LMLN: variants seen among roughly 807,000 people sequenced by gnomAD.
LMLN encodes leishmanolysin-like peptidase.
Under a neutral mutation model 92.3 loss-of-function variants are expected in LMLN, and 70 were observed. That is an observed-to-expected ratio of 0.76 (90% CI 0.63 to 0.92). The LOEUF is 0.92. Ranked by LOEUF, LMLN falls within the 40% of genes least tolerant of loss-of-function variation. LMLN has a pLI of 0.00. For synonymous variants in LMLN, 308 were observed against 296.2 expected (o/e 1.04, Z -0.41); for missense variants, 691 against 814.6 (o/e 0.85, Z 1.85).
At chr3:197,967,508 C>G (rs949930814) in intron 1 of LMLN, among the ~76,000 whole-genome samples, 4 of 152,176 alleles carry the variant, frequency 2.6e-5, no homozygotes, top group African/African-American at 4.8e-5. Flanking sequence ...GAACAAAGAT[C>G]ACATGCTTCT....
rs115998990 is a variant in LMLN, at chr3:197,999,674, C to T, written c.1232+332C>T. On this transcript the variant is annotated intron_variant, in intron 11 of 15. Transcript: ENST00000330198. ...TCCTGCGTGGCTGGGACTACAGGCA[C>T]GTGCCACCATGCCTGGCTAACTGTG... The T allele has an allele frequency of 4.0e-3, 865 of 217,082 alleles. 9 individuals are homozygous for T. Among genetic ancestry groups the T allele is most frequent in the African/African-American group, 0.017 (733 of 43,356 alleles). The allele number at this position is 217,082 out of a possible 1,614,324, so 13.4% of individuals were successfully genotyped here. A position where few individuals can be genotyped will look rare whatever the true frequency, so the allele number is the denominator to read the frequency against.
At chr3:198,015,590 A>T (rs1722612375) in intron 11 of LMLN, among the ~76,000 whole-genome samples, 1 of 125,290 alleles carries the variant, frequency 8.0e-6, no homozygotes, top group Non-Finnish European at 1.7e-5. Flanking sequence ...AGAGCCCCCT[A>T]ACTAGTCTGA....
At chr3:198,013,556 C>G (rs1581168620) in intron 11 of LMLN, among the ~76,000 whole-genome samples, 1 of 129,842 alleles carries the variant, frequency 7.7e-6, no homozygotes, top group Non-Finnish European at 1.6e-5. Flanking sequence ...AGCCTCCTAA[C>G]TAGTCTGACT....
At chr3:197,974,600 G>A in intron 2 of LMLN, 126 bp downstream of exon 2, 1 of 549,398 alleles carries the variant, frequency 1.8e-6, no homozygotes, top group South Asian at 2.9e-5. Context: ...CTTCAAAATG[G>A]AATTAAGCTG....
At chr3:198,016,771 G>C (rs986831571) in intron 11 of LMLN, among the ~76,000 whole-genome samples, 2 of 152,142 alleles carry the variant, frequency 1.3e-5, no homozygotes, top group South Asian at 4.1e-4. Flanking sequence ...CTAAAACTGT[G>C]GGTCCCCTGA....
intron 6 of LMLN, among the ~76,000 whole-genome samples, chr3:197,982,855 A>G (rs1182015370): frequency 6.6e-6 from 1 of 152,248 alleles, no homozygotes; most frequent in Admixed American, 6.5e-5. Context: ...CTGAACATTG[A>G]TAGGCTGTAG....
rs929426679 is a variant in LMLN at position 198,043,563 on chromosome 3, T to A, written c.*4896T>A. 3 of 152,654 alleles carry A rather than the reference T, an allele frequency of 2.0e-5. No homozygotes were observed. The South Asian group carries it at 6.2e-4, about 32-fold the overall frequency. The allele number at this position is 152,654 out of a possible 1,614,324, so 9.5% of individuals were successfully genotyped here. On this transcript the variant is annotated 3_prime_UTR_variant, in exon 16 of 16. Transcript: ENST00000330198. ...TTACCTGAGAGGAGTAATATTTTTTTAATATATATTGGGTCAGGGACAGGG... is the reference window on the plus strand; with the variant it reads ...TTACCTGAGAGGAGTAATATTTTTTAAATATATATTGGGTCAGGGACAGGG...
chr3:198,032,706 G>T (rs556461754), intron 14 of LMLN, among the ~76,000 whole-genome samples: 23 of 152,244 alleles, frequency 1.5e-4, no homozygotes, highest in Non-Finnish European at 2.9e-4. Flanking sequence ...ACTTATTCCT[G>T]TGGGGAGGGC....
At chr3:197,998,125 C>G (rs1390689753) in intron 10 of LMLN, among the ~76,000 whole-genome samples, 1 of 152,248 alleles carries the variant, frequency 6.6e-6, no homozygotes, top group Non-Finnish European at 1.5e-5. Context: ...ATCTGTGCCT[C>G]TCTCCCTCCC....
At chr3:198,010,459 T>C (rs1243781269) in intron 11 of LMLN, among the ~76,000 whole-genome samples, 1 of 151,674 alleles carries the variant, frequency 6.6e-6, no homozygotes, top group Non-Finnish European at 1.5e-5. Context: ...TTTTCTGTTT[T>C]GTTTTATTTT....
chr3:197,981,447 C>G (rs1721555582), intron 6 of LMLN, among the ~76,000 whole-genome samples: 4 of 152,202 alleles, frequency 2.6e-5, no homozygotes, highest in Admixed American at 2.0e-4. Context: ...TCTAAGGCAA[C>G]AATTTGAACT....
Position 198,019,353 on chromosome 3 carries a change from A to T in LMLN, c.1333A>T (p.Lys445Ter). The T allele has an allele frequency of 6.2e-7, 1 of 1,614,116 alleles. No homozygotes were observed. The highest frequency in any genetic ancestry group is 8.5e-7 in the Non-Finnish European group (1 of 1,180,008). The stretch of plus-strand genomic sequence containing the variant: ...AGCAGTTGCCGTGTGTAATTTGCAG[A>T]AGTTCCCTAAGCCTTTACCACAGGA... Residue 445 changes from lysine to a stop codon, truncating the protein, a stop_gained, in exon 12 of 16, where the codon AAG becomes TAG. Transcript: ENST00000330198. LOFTEE classifies it high-confidence loss of function. The surrounding 1 kb of genome is among the most constrained non-coding windows in gnomAD (Gnocchi z 5.5).
intron 14 of LMLN, among the ~76,000 whole-genome samples, chr3:198,034,561 A>G (rs1723160289): frequency 6.6e-6 from 1 of 152,226 alleles, no homozygotes; most frequent in Admixed American, 6.5e-5. Context: ...CAGTGAGCCA[A>G]GATCATGCCA....
At chr3:197,982,461 G>A (rs575988688) in intron 6 of LMLN, among the ~76,000 whole-genome samples, 213 of 152,060 alleles carry the variant, frequency 1.4e-3, no homozygotes, top group African/African-American at 4.5e-3. Flanking sequence ...CCTGACCTCT[G>A]GTGATCCACC....
intron 9 of LMLN, among the ~76,000 whole-genome samples, chr3:197,991,839 G>A (rs531047739): frequency 2.0e-5 from 3 of 150,758 alleles, no homozygotes; most frequent in Admixed American, 2.0e-4. Context: ...AACCCAATGA[G>A]CAAGGTTTTA....
chr3:197,988,891 A>G (rs1489549212), intron 8 of LMLN, among the ~76,000 whole-genome samples: 3 of 152,088 alleles, frequency 2.0e-5, no homozygotes, highest in Non-Finnish European at 4.4e-5. Context: ...CATGTTTGCC[A>G]GGTTTGGTCT....
Position 198,020,768 on chromosome 3 carries a change from A to ATTTTTTTTTTTTTTTTTTT in LMLN, c.1366-664_1366-646dup, listed in dbSNP as rs71166715. Among the ~76,000 whole-genome samples the ATTTTTTTTTTTTTTTTTTT allele has an allele frequency of 3.3e-4, 11 of 32,870 alleles. 2 individuals are homozygous for ATTTTTTTTTTTTTTTTTTT. Among genetic ancestry groups the ATTTTTTTTTTTTTTTTTTT allele is most frequent in the Admixed American group, 9.4e-4 (2 of 2,134 alleles). 21.6% of individuals were successfully genotyped at this position (32,870 alleles called of 152,430 possible). On this transcript the variant is annotated intron_variant, in intron 12 of 15. Transcript: ENST00000330198. The stretch of plus-strand genomic sequence containing the variant: ...GCCACCACACCCAGCTAATTTTTGT[A>ATTTTTTTTTTTTTTTTTTT]TTTTTTTTTTTTTTTTTTTTTTTTT...
chr3:197,992,939 A>T (rs1359169025), intron 9 of LMLN, among the ~76,000 whole-genome samples: 1 of 152,230 alleles, frequency 6.6e-6, no homozygotes, highest in Non-Finnish European at 1.5e-5. Flanking sequence ...ATCCATCATG[A>T]TCAAGTGAGA....
intron 8 of LMLN, among the ~76,000 whole-genome samples, chr3:197,987,158 AT>A (rs772089146): frequency 0.016 from 1,254 of 77,586 alleles, 12 homozygotes; most frequent in African/African-American, 0.05. Flanking sequence ...ATATGTTTGA[AT>A]TTTTTTTTTT....
Sources: allele counts gnomAD v4.1 joint callset (sites outside exome capture counted in the v4.1 genomes callset), GRCh38; gene constraint gnomAD v4.1.1; non-coding constraint Gnocchi (gnomAD v3.1); transcripts MANE v1.5; gene names NCBI Gene and HGNC (gene_info 2026-07-23, HGNC 2026-07-21).